Variants in SYT14 observed in about 807,000 individuals in gnomAD.
SYT14 encodes synaptotagmin 14.
SYT14 carries 32 observed loss-of-function variants against 74.2 expected under a neutral mutation model. That is an observed-to-expected ratio of 0.43 (90% CI 0.33 to 0.58). The LOEUF is 0.58. Ranked by LOEUF, SYT14 falls within the 20% of genes least tolerant of loss-of-function variation. The probability of loss-of-function intolerance (pLI) is 0.05; values close to 1 mark genes in which losing one functional copy is unlikely to be tolerated. For synonymous variants in SYT14, 298 were observed against 337.7 expected (o/e 0.88, Z 1.29); for missense variants, 791 against 981.8 (o/e 0.81, Z 2.60).
rs139414758 is a variant in SYT14 at position 210,076,456 on chromosome 1, A to G, written c.1313-17866A>G. On this transcript the variant is annotated intron_variant, in intron 5 of 9. Transcript: ENST00000637265. ...ACTCCCCAGCACCAGCATCTAAGTAACTACTACTCATCTACTTTCTGTCTC... is the reference window on the plus strand; with the variant it reads ...ACTCCCCAGCACCAGCATCTAAGTAGCTACTACTCATCTACTTTCTGTCTC... Among the ~76,000 whole-genome samples the G allele has an allele frequency of 5.3e-3, 808 of 152,288 alleles. 9 individuals are homozygous for G. Among genetic ancestry groups the G allele is most frequent in the African/African-American group, 0.019 (771 of 41,564 alleles).
At chr1:210,075,331 C>G (rs1346337283) in intron 5 of SYT14, among the ~76,000 whole-genome samples, 1 of 145,968 alleles carries the variant, frequency 6.9e-6, no homozygotes, top group Non-Finnish European at 1.5e-5. Context: ...CTGCTAGGGT[C>G]TCGAGGGTTT....
At chr1:210,140,317 A>G (rs774847725) in intron 7 of SYT14, among the ~76,000 whole-genome samples, 28 of 152,022 alleles carry the variant, frequency 1.8e-4, no homozygotes, top group Non-Finnish European at 7.4e-5. Context: ...ATAAATTTGG[A>G]TAAATTTTGC....
Position 210,080,902 on chromosome 1 carries a change from G to GGA in SYT14, c.1313-13414_1313-13413dup, listed in dbSNP as rs574441461. Among the ~76,000 whole-genome samples the GGA allele has an allele frequency of 4.0e-4, 61 of 152,234 alleles. 2 individuals carry two copies. In the East Asian group the frequency reaches 0.011, roughly 28 times the overall value. On this transcript the variant is annotated intron_variant, in intron 5 of 9. Coordinates refer to ENST00000637265, the Ensembl canonical transcript of SYT14. The stretch of plus-strand genomic sequence containing the variant: ...GTGACAAATGCAACTGGGAAGGATA[G>GGA]GAGAGAGTGAATCTTTGAAATTCTT...
chr1:210,075,733 AC>A (rs2081488011), intron 5 of SYT14, among the ~76,000 whole-genome samples: 1 of 151,948 alleles, frequency 6.6e-6, no homozygotes, highest in African/African-American at 2.4e-5. Flanking sequence ...ACCTGTCCTC[AC>A]CTAGGTCTGT....
intron 5 of SYT14, among the ~76,000 whole-genome samples, chr1:210,068,431 G>A (rs2081335087): frequency 1.3e-5 from 2 of 151,340 alleles, no homozygotes; most frequent in Admixed American, 1.3e-4. Context: ...AGCAAGTTTT[G>A]GATTATTTGC....
intron 7 of SYT14, among the ~76,000 whole-genome samples, chr1:210,121,134 A>T (rs2082453038): frequency 6.6e-6 from 1 of 152,192 alleles, no homozygotes; most frequent in Non-Finnish European, 1.5e-5. Context: ...AAAAAGAGAT[A>T]GTAACGATAA....
intron 5 of SYT14, among the ~76,000 whole-genome samples, chr1:210,069,705 A>G (rs1356116215): frequency 6.6e-6 from 1 of 151,876 alleles, no homozygotes; most frequent in African/African-American, 2.4e-5. Flanking sequence ...TTTACTTCCT[A>G]TGTATTTATC....
intron 6 of SYT14, among the ~76,000 whole-genome samples, chr1:210,095,765 C>A (rs948740411): frequency 6.6e-6 from 1 of 152,050 alleles, no homozygotes; most frequent in African/African-American, 2.4e-5. Flanking sequence ...TAAAACTACT[C>A]TGTATCTGTT....
At chr1:210,075,531 C>T (rs572694458) in intron 5 of SYT14, among the ~76,000 whole-genome samples, 1 of 152,164 alleles carries the variant, frequency 6.6e-6, no homozygotes, top group African/African-American at 2.4e-5. Flanking sequence ...GACGGGGTTT[C>T]ACCATGTTGG....
At chr1:210,105,896 A>G (rs1032349845) in intron 7 of SYT14, among the ~76,000 whole-genome samples, 8 of 152,064 alleles carry the variant, frequency 5.3e-5, no homozygotes, top group African/African-American at 1.9e-4. Flanking sequence ...GCCTGCTTCC[A>G]TTTTTGCCTT....
At chr1:210,121,322 A>T (rs1198721549) in intron 7 of SYT14, among the ~76,000 whole-genome samples, 1 of 152,228 alleles carries the variant, frequency 6.6e-6, no homozygotes, top group Non-Finnish European at 1.5e-5. Flanking sequence ...CTAGTCCGCA[A>T]GTAAAAAATC....
chr1:210,052,690 CCAAGCA>C (rs1202531128), intron 5 of SYT14, among the ~76,000 whole-genome samples: 1 of 66,362 alleles, frequency 1.5e-5, no homozygotes, highest in Non-Finnish European at 3.0e-5. Flanking sequence ...AAAAAGCTCT[CCAAGCA>C]CAGAAACAAC....
At chr1:210,057,492 C>A (rs2081122420) in intron 5 of SYT14, among the ~76,000 whole-genome samples, 1 of 152,176 alleles carries the variant, frequency 6.6e-6, no homozygotes, top group Admixed American at 6.5e-5. Flanking sequence ...TTTGGATATT[C>A]TTTTGTTATG....
chr1:209,975,441 C>T (rs2079342980), intron 2 of SYT14, among the ~76,000 whole-genome samples: 1 of 152,082 alleles, frequency 6.6e-6, no homozygotes, highest in Admixed American at 6.6e-5. Flanking sequence ...TGTCAAAGGC[C>T]TTTTCTGCAT....
chr1:210,027,773 T>A (rs2080446415), intron 5 of SYT14, among the ~76,000 whole-genome samples: 1 of 152,180 alleles, frequency 6.6e-6, no homozygotes, highest in African/African-American at 2.4e-5. Flanking sequence ...ATCTTGACTC[T>A]TTTTACTGCA....
intron 2 of SYT14, among the ~76,000 whole-genome samples, chr1:209,993,802 A>C (rs1383624246): frequency 6.6e-6 from 1 of 152,108 alleles, no homozygotes; most frequent in Non-Finnish European, 1.5e-5. Context: ...ACACCTGTGA[A>C]AGTGAGGAAG....
chr1:209,981,445 C>CTTTTTTT (rs1268926232), intron 2 of SYT14, among the ~76,000 whole-genome samples: 1 of 86,126 alleles, frequency 1.2e-5, no homozygotes, highest in Non-Finnish European at 2.5e-5. Flanking sequence ...TTTTCTTTTT[C>CTTTTTTT]TTTTCTTTTT....
intron 1 of SYT14, among the ~76,000 whole-genome samples, chr1:209,948,341 C>T (rs2078855558): frequency 6.6e-6 from 1 of 152,234 alleles, no homozygotes; most frequent in Admixed American, 6.5e-5. Context: ...CACAAACACA[C>T]ATGCACACAA....
At chr1:210,099,284 T>G (rs2082018377) in intron 6 of SYT14, among the ~76,000 whole-genome samples, 1 of 152,214 alleles carries the variant, frequency 6.6e-6, no homozygotes, top group Admixed American at 6.5e-5. Context: ...GGTTATAATT[T>G]CTTTTAATTT....
Sources: gnomAD v4.1 joint callset for allele counts (sites outside exome capture counted in the v4.1 genomes callset) on GRCh38, gnomAD v4.1.1 for gene constraint, MANE v1.5 for transcripts, NCBI Gene and HGNC (gene_info 2026-07-23, HGNC 2026-07-21) for gene names.